The following ITGB2 variants were observed in gnomAD, a reference collection of about 807,000 sequenced individuals.
ITGB2 encodes integrin beta-2.
In ITGB2, 56 loss-of-function variants were observed where a neutral mutation model predicts 86.8. That is an observed-to-expected ratio of 0.65 (90% CI 0.52 to 0.81). The LOEUF (loss-of-function observed/expected upper bound fraction) is 0.81. Ranked by LOEUF, ITGB2 falls within the 30% of genes least tolerant of loss-of-function variation. The pLI is 0.00. For synonymous variants in ITGB2, 457 were observed against 450.4 expected, an observed-to-expected ratio of 1.01 and a Z score of -0.19; for missense variants, 948 against 1,061.2, an observed-to-expected ratio of 0.89 and a Z score of 1.48.
At chr21:44,899,690 G>T (rs1170826257) in intron 7 of ITGB2, among the ~76,000 whole-genome samples, 1 of 152,234 alleles carries the variant, frequency 6.6e-6, no homozygotes, top group Non-Finnish European at 1.5e-5. Flanking sequence ...GTGACCAGTG[G>T]TTGCCTCTCG....
intron 8 of ITGB2, among the ~76,000 whole-genome samples, chr21:44,896,535 G>A (rs2083873869): frequency 6.6e-6 from 1 of 151,868 alleles, no homozygotes; most frequent in Non-Finnish European, 1.5e-5. Flanking sequence ...TGACTGCCCT[G>A]CATGGGCCCA....
chr21:44,908,772 T>C (rs1007114052), intron 3 of ITGB2, among the ~76,000 whole-genome samples: 1 of 152,058 alleles, frequency 6.6e-6, no homozygotes, highest in African/African-American at 2.4e-5. Flanking sequence ...ACCCGAGCCG[T>C]CAGAAAACCA....
rs544576424 is a variant in ITGB2 at position 44,910,162 on chromosome 21, C to T, written c.147+122G>A. On this transcript the variant is annotated intron_variant, in intron 3 of 15. Transcript: ENST00000652462. The stretch of plus-strand genomic sequence containing the variant: ...CTTGAGGGGAGGGTGAGGCCAGGGT[C>T]TGGGGACCCCCTCAAAAAGAAAATG... 27 of 1,347,114 alleles carry T rather than the reference C, an allele frequency of 2.0e-5. No individual in the cohort carries two copies. In the African/African-American group the frequency reaches 3.8e-4, roughly 19 times the overall value. The allele number at this position is 1,347,114 out of a possible 1,614,324, so 83.4% of individuals were successfully genotyped here.
chr21:44,897,160 G>A (rs912081649), intron 8 of ITGB2, among the ~76,000 whole-genome samples: 6 of 152,198 alleles, frequency 3.9e-5, no homozygotes, highest in African/African-American at 9.7e-5. Context: ...TCCAGAGCCC[G>A]GGGAACCTAT....
At chr21:44,900,014 T>C (rs1346001816) in intron 7 of ITGB2, among the ~76,000 whole-genome samples, 1 of 152,046 alleles carries the variant, frequency 6.6e-6, no homozygotes, top group Admixed American at 6.5e-5. Flanking sequence ...TGGGGGCGGT[T>C]ACTATACCTC....
intron 1 of ITGB2, among the ~76,000 whole-genome samples, chr21:44,916,105 T>C (rs575108553): frequency 6.6e-6 from 1 of 152,256 alleles, no homozygotes; most frequent in African/African-American, 2.4e-5. Context: ...GTATTTTTAG[T>C]AGAGATGGAG....
chr21:44,917,327 A>C (rs1290336332), intron 1 of ITGB2, among the ~76,000 whole-genome samples: 1 of 152,204 alleles, frequency 6.6e-6, no homozygotes, highest in Non-Finnish European at 1.5e-5. Context: ...AGAGAGACAC[A>C]GTTCCAAAAT....
rs1156468891 is a variant in ITGB2 at position 44,893,236 on chromosome 21, G to A, written c.1224+168C>T. ...TGCCTGCTCCCAGACAGCCTCTGAT[G>A]CCTGTGTGCCCCTCCCTGCCCCCGT... On this transcript the variant is annotated intron_variant, in intron 10 of 15. Transcript: ENST00000652462. The A allele has an allele frequency of 6.9e-6, 5 of 719,750 alleles. No individual in the cohort carries two copies. The African/African-American group carries it at 8.8e-5, about 13-fold the overall frequency. 44.6% of individuals were successfully genotyped at this position (719,750 alleles called of 1,614,324 possible). A position where few individuals can be genotyped will look rare whatever the true frequency, so the allele number is the denominator to read the frequency against.
intron 8 of ITGB2, 33 bp downstream of exon 8, chr21:44,899,034 C>G: frequency 6.5e-7 from 1 of 1,540,344 alleles, no homozygotes; most frequent in Non-Finnish European, 9.0e-7. Context: ...CATGCCCCCA[C>G]CCAATGGATG....
In ITGB2 at chr21:44,927,441, A is replaced by G. The variant is rs557284500; in HGVS notation, c.-4+1213T>C. 3.3e-5 allele frequency among the ~76,000 whole-genome samples: 5 copies of G among 151,904 alleles called. No homozygotes were observed. In the East Asian group the frequency reaches 9.7e-4, roughly 30 times the overall value. On this transcript the variant is annotated intron_variant, in intron 1 of 15. Coordinates refer to the ITGB2 transcript ENST00000355153. ...GCAGAAAGTCCCTTCCTGCCTGGAG[A>G]GCACCCCCACGAGGACCCTGGGGCC...
At chr21:44,925,698 C>A (rs1056387232), upstream of ITGB2, among the ~76,000 whole-genome samples, 2 of 152,106 alleles carry the variant, frequency 1.3e-5, no homozygotes, top group African/African-American at 2.4e-5. Flanking sequence ...ACAAAGAAAA[C>A]CTTGAGAACT....
intron 9 of ITGB2, 57 bp from the exon 10 acceptor site, chr21:44,893,601 C>A: frequency 1.9e-6 from 3 of 1,607,810 alleles, no homozygotes; most frequent in Admixed American, 3.3e-5. Flanking sequence ...CCTGGCCCTG[C>A]CTGGCCCAGC....
chr21:44,904,138 G>A (rs2146533192), intron 4 of ITGB2, among the ~76,000 whole-genome samples: 1 of 152,242 alleles, frequency 6.6e-6, no homozygotes, highest in African/African-American at 2.4e-5. Flanking sequence ...CACACATCAT[G>A]TTAATGAATG....
chr21:44,928,533 A>AC (rs1049813483), intron 1 of ITGB2: 4 of 151,958 alleles, frequency 2.6e-5, no homozygotes, highest in African/African-American at 9.7e-5. Context: ...ACCTTCGCAG[A>AC]CCACTAAACC....
At position 44,904,168 on chromosome 21, in the gene ITGB2, G is replaced by A. The variant is rs190654386; in HGVS notation, c.329-633C>T. On this transcript the variant is annotated intron_variant, in intron 4 of 15. Transcript: ENST00000652462. ...TGAATGAGCAGGGAGGGAGGGTGACGAAGCCTGTCCCCTCTGCCCCACCCT... is the reference window on the plus strand; with the variant it reads ...TGAATGAGCAGGGAGGGAGGGTGACAAAGCCTGTCCCCTCTGCCCCACCCT... Among the ~76,000 whole-genome samples, 20 of 152,158 alleles carry A rather than the reference G, an allele frequency of 1.3e-4. No individual in the cohort carries two copies. The South Asian group carries it at 1.5e-3, about 11-fold the overall frequency.
intron 8 of ITGB2, among the ~76,000 whole-genome samples, chr21:44,895,829 T>C (rs2146513183): frequency 9.7e-6 from 1 of 103,264 alleles, no homozygotes; most frequent in East Asian, 2.4e-4. Context: ...CAAAACTCTG[T>C]CTCAATAAAA....
At chr21:44,896,731 G>A (rs1034650395) in intron 8 of ITGB2, among the ~76,000 whole-genome samples, 37 of 152,152 alleles carry the variant, frequency 2.4e-4, no homozygotes, top group Admixed American at 3.3e-4. Flanking sequence ...ACTCGGAGGG[G>A]GCGTGGCACG....
At chr21:44,899,501 C>T (rs574273597) in intron 7 of ITGB2, among the ~76,000 whole-genome samples, 419 of 152,300 alleles carry the variant, frequency 2.8e-3, no homozygotes, top group African/African-American at 9.6e-3. Context: ...CGGTAGAGGC[C>T]ATGAGTGTCA....
chr21:44,900,529 C>A (rs551566893), intron 6 of ITGB2, 54 bp from the exon 7 acceptor site: 3 of 1,606,058 alleles, frequency 1.9e-6, no homozygotes. Context: ...CCAGACCCGG[C>A]CCTCTGGAGC....
Sources: allele counts gnomAD v4.1 joint callset (sites outside exome capture counted in the v4.1 genomes callset), GRCh38; gene constraint gnomAD v4.1.1; transcripts MANE v1.5; gene names NCBI Gene and HGNC (gene_info 2026-07-23, HGNC 2026-07-21).